The following CD34 variants were observed in gnomAD, a reference collection of about 807,000 sequenced individuals.
The protein encoded by CD34 is hematopoietic progenitor cell antigen CD34.
CD34 carries 34 observed loss-of-function variants against 40.1 expected under a neutral mutation model. That is an observed-to-expected ratio of 0.85 (90% CI 0.65 to 1.13). The LOEUF (loss-of-function observed/expected upper bound fraction) is 1.13. CD34 is among the 50% of genes most tolerant of loss of function. The probability of loss-of-function intolerance (pLI) is 0.00; values close to 1 mark genes in which losing one functional copy is unlikely to be tolerated. For synonymous variants in CD34, 209 were observed against 190.0 expected (o/e 1.10, Z -0.82); for missense variants, 426 against 466.9 (o/e 0.91, Z 0.81).
rs964384785 is a variant in CD34 at position 207,883,412 on chromosome 1, T to A, written c.*4326A>T. The A allele has an allele frequency of 2.0e-5, 3 of 152,240 alleles. No individual in the cohort carries two copies. The highest frequency in any genetic ancestry group is 7.2e-5 in the African/African-American group (3 of 41,456). The allele number at this position is 152,240 out of a possible 1,614,324, so 9.4% of individuals were successfully genotyped here. A position where few individuals can be genotyped will look rare whatever the true frequency, so the allele number is the denominator to read the frequency against. ...CTGCCCACATCTAGATACAAAGCACTTCATTTAGTCTTTCCTCGTGTTATT... is the reference window on the plus strand; with the variant it reads ...CTGCCCACATCTAGATACAAAGCACATCATTTAGTCTTTCCTCGTGTTATT... On this transcript the variant is annotated 3_prime_UTR_variant, in exon 8 of 8. Coordinates refer to ENST00000310833, the MANE Select transcript of CD34 (RefSeq NM_001025109.2).
rs767607306 is a variant in CD34, at chr1:207,899,834, T to C, written c.249A>G (p.Thr83=). 2 of 1,611,238 alleles carry C rather than the reference T, an allele frequency of 1.2e-6. No homozygotes were observed. The highest frequency in any genetic ancestry group is 8.5e-7 in the Non-Finnish European group (1 of 1,178,924). ...HPVSQHGNEA[T]TNITETTVKF... is the part of the protein sequence containing the mutation. ...TGCTGTTTTTACCTGTGATGTTTGTTGTGGCCTCATTGCCATGTTGAGACA... is the reference window on the plus strand; with the variant it reads ...TGCTGTTTTTACCTGTGATGTTTGTCGTGGCCTCATTGCCATGTTGAGACA... The change falls in exon 2 of 8, where the codon ACA becomes ACG. Residue 83 remains threonine, a synonymous_variant. Coordinates refer to ENST00000310833, the MANE Select transcript of CD34 (RefSeq NM_001025109.2).
intron 3 of CD34, among the ~76,000 whole-genome samples, chr1:207,898,404 C>A (rs1287504813): frequency 6.6e-6 from 1 of 152,064 alleles, no homozygotes; most frequent in Non-Finnish European, 1.5e-5. Flanking sequence ...TGACTGAGGC[C>A]CTCATATTTT....
At chr1:207,896,057 C>G (rs751703655) in intron 4 of CD34, among the ~76,000 whole-genome samples, 2 of 152,156 alleles carry the variant, frequency 1.3e-5, no homozygotes, top group Non-Finnish European at 2.9e-5. Context: ...ATTTGTAAGT[C>G]AGAGAGACCC....
At chr1:207,906,844 C>CAAATAAAT (rs10687613) in intron 1 of CD34, among the ~76,000 whole-genome samples, 3,644 of 148,566 alleles carry the variant, frequency 0.025, 57 homozygotes, top group Middle Eastern at 0.045. Flanking sequence ...AACTTCTTCT[C>CAAATAAAT]AAATAAATAA....
At chr1:207,899,770 C>T (rs771485806) in intron 2 of CD34, 51 bp downstream of exon 2, 4 of 1,512,216 alleles carry the variant, frequency 2.6e-6, no homozygotes, top group African/African-American at 1.4e-5. Context: ...AAATGCTTTA[C>T]CCAAGCATCA....
intron 1 of CD34, among the ~76,000 whole-genome samples, chr1:207,902,617 T>C (rs1329047228): frequency 1.3e-5 from 2 of 152,198 alleles, no homozygotes; most frequent in African/African-American, 2.4e-5. Context: ...CCCAGCATAC[T>C]GATTACTGGG....
At chr1:207,894,904 A>G (rs1456983074) in intron 4 of CD34, among the ~76,000 whole-genome samples, 1 of 152,212 alleles carries the variant, frequency 6.6e-6, no homozygotes, top group African/African-American at 2.4e-5. Flanking sequence ...GAGCTAACAT[A>G]TTGGTACTCA....
rs777554605 is a variant in CD34 at position 207,898,967 on chromosome 1, A to C, written c.516+6T>G. On this transcript the variant is annotated splice_donor_region_variant and intron_variant, in intron 3 of 7. Transcript: ENST00000310833. ...CAATCTGCCATTTTTGGCCCAATTCACCCACCTTGATGTCACTTAGGATAG... is the reference window on the plus strand; with the variant it reads ...CAATCTGCCATTTTTGGCCCAATTCCCCCACCTTGATGTCACTTAGGATAG... 4 of 1,613,652 alleles carry C rather than the reference A, an allele frequency of 2.5e-6. No homozygotes were observed. The African/African-American group carries it at 5.3e-5, about 22-fold the overall frequency.
rs772265891 is a variant in CD34 at position 207,889,526 on chromosome 1, C to CA, written c.692dup (p.Leu232AlafsTer6). The CA allele has an allele frequency of 6.2e-7, 1 of 1,614,194 alleles. No homozygotes were observed. The highest frequency in any genetic ancestry group is 8.5e-7 in the Non-Finnish European group (1 of 1,180,016). Reference sequence around the variant, plus strand: ...GCCTCACCTCAGACTGGGCAAGGAGCAGGGAGCATACCTGGGCCCCAGCAT... The same window carrying CA: ...GCCTCACCTCAGACTGGGCAAGGAGCAAGGGAGCATACCTGGGCCCCAGCAT... On this transcript the variant is annotated frameshift_variant, in exon 5 of 8. Transcript: ENST00000310833. LOFTEE classifies it high-confidence loss of function.
Position 207,899,813 on chromosome 1 carries a change from G to C in CD34, c.262+8C>G. The C allele has an allele frequency of 6.2e-7, 1 of 1,606,368 alleles. No homozygotes were observed. The highest frequency in any genetic ancestry group is 8.5e-7 in the Non-Finnish European group (1 of 1,176,484). On this transcript the variant is annotated splice_region_variant and intron_variant, in intron 2 of 7. Transcript: ENST00000310833. ...CTCTCCGGGATCTGACACAAATGCTGTTTTTACCTGTGATGTTTGTTGTGG... is the reference window on the plus strand; with the variant it reads ...CTCTCCGGGATCTGACACAAATGCTCTTTTTACCTGTGATGTTTGTTGTGG...
chr1:207,910,792 C>T (rs1193977224), intron 1 of CD34, among the ~76,000 whole-genome samples: 1 of 152,240 alleles, frequency 6.6e-6, no homozygotes, highest in African/African-American at 2.4e-5. Context: ...CGCACACTCG[C>T]GGGGGTGATG....
chr1:207,908,445 G>C (rs958767835), intron 1 of CD34, among the ~76,000 whole-genome samples: 1 of 152,252 alleles, frequency 6.6e-6, no homozygotes, highest in African/African-American at 2.4e-5. Flanking sequence ...TCAAAGGGTG[G>C]AGTCCTCTCC....
intron 4 of CD34, 62 bp downstream of exon 4, chr1:207,897,431 C>T: frequency 8.1e-7 from 1 of 1,236,228 alleles, no homozygotes; most frequent in South Asian, 1.3e-5. Context: ...TAAGGGTGTT[C>T]AGAAGGGATG....
In CD34 at chr1:207,886,500, T is replaced by G. The variant is rs1661897040; in HGVS notation, c.*1238A>C. The G allele has an allele frequency of 6.6e-6, 1 of 152,326 alleles. No homozygotes were observed. The highest frequency in any genetic ancestry group is 1.5e-5 in the Non-Finnish European group (1 of 68,060). 9.4% of individuals were successfully genotyped at this position (152,326 alleles called of 1,614,324 possible). A position where few individuals can be genotyped will look rare whatever the true frequency, so the allele number is the denominator to read the frequency against. On this transcript the variant is annotated 3_prime_UTR_variant, in exon 8 of 8. Coordinates refer to ENST00000310833, the MANE Select transcript of CD34 (RefSeq NM_001025109.2). ...TCTAATGGAGGGTGTCACTCTTGCA[T>G]GCAGACACACCCAGCTAAGACAGAG...
intron 1 of CD34, 45 bp downstream of exon 1, chr1:207,910,956 TC>T: frequency 6.5e-7 from 1 of 1,527,078 alleles, no homozygotes. Flanking sequence ...GCCTCCACCC[TC>T]CCCGCGGCGA....
intron 4 of CD34, 39 bp from the exon 5 acceptor site, chr1:207,889,660 T>C: frequency 6.2e-7 from 1 of 1,612,316 alleles, no homozygotes; most frequent in Non-Finnish European, 8.5e-7. Context: ...AGAGATGAAA[T>C]TACTGCTCTG....
intron 7 of CD34, 194 bp from the exon 8 acceptor site, chr1:207,888,117 T>A (rs1377222881): frequency 7.4e-6 from 12 of 1,613,776 alleles, no homozygotes; most frequent in South Asian, 1.1e-5. Context: ...GGGTTCCAGC[T>A]CCTAGAGGAG....
intron 1 of CD34, among the ~76,000 whole-genome samples, chr1:207,907,612 C>T (rs1662407415): frequency 6.6e-6 from 1 of 152,176 alleles, no homozygotes; most frequent in Non-Finnish European, 1.5e-5. Context: ...TCCGTTGCAT[C>T]TGAAGGGAAG....
At chr1:207,899,296 A>G (rs901349924) in intron 2 of CD34, 70 bp from the exon 3 acceptor site, 15 of 1,517,836 alleles carry the variant, frequency 9.9e-6, no homozygotes, top group Admixed American at 5.1e-5. Flanking sequence ...TCAGGTCATG[A>G]TATGGGCATG....
Sources: gnomAD v4.1 joint callset for allele counts (sites outside exome capture counted in the v4.1 genomes callset) on GRCh38, gnomAD v4.1.1 for gene constraint, MANE v1.5 for transcripts, NCBI Gene and HGNC (gene_info 2026-07-23, HGNC 2026-07-21) for gene names.